HTD2: variants seen among roughly 807,000 people sequenced by gnomAD.
HTD2 encodes hydroxyacyl-thioester dehydratase type 2, mitochondrial.
A neutral mutation model predicts 3.1 loss-of-function variants in HTD2; 1 was observed. The ratio of observed to expected loss-of-function variants is 0.32; its 90% CI spans 0.11 to 1.52. The LOEUF (loss-of-function observed/expected upper bound fraction) is 1.52. HTD2 is among the 40% of genes most tolerant of loss of function. The pLI is 0.39. For synonymous variants in HTD2, 50 were observed against 28.9 expected, an observed-to-expected ratio of 1.73 and a Z score of -2.34; for missense variants, 150 against 79.6, an observed-to-expected ratio of 1.88 and a Z score of -3.36.
At position 58,318,162 on chromosome 3, in the gene HTD2, T is replaced by C; in HGVS notation, c.*42T>C. On this transcript the variant is annotated 3_prime_UTR_variant, in exon 5 of 5. Transcript: ENST00000461393. ...ATGCAACCTCAAACACCAATGCTGT[T>C]GTTAAAGAGCCTATGGGGAATTGCT... The C allele has an allele frequency of 1.6e-6, 1 of 613,378 alleles. No homozygotes were observed. Among genetic ancestry groups the C allele is most frequent in the East Asian group, 2.7e-5 (1 of 36,716 alleles). The allele number at this position is 613,378 out of a possible 1,614,324, so 38.0% of individuals were successfully genotyped here.
intron 2 of HTD2, among the ~76,000 whole-genome samples, chr3:58,313,743 T>C (rs78418724): frequency 0.046 from 6,974 of 152,288 alleles, 559 homozygotes; most frequent in African/African-American, 0.16. Flanking sequence ...GAGGATTGCT[T>C]GAGCCCAAGA....
At chr3:58,314,996 T>C (rs776783551) in intron 2 of HTD2, among the ~76,000 whole-genome samples, 2 of 152,110 alleles carry the variant, frequency 1.3e-5, no homozygotes, top group South Asian at 2.1e-4. Context: ...GCAGTATCTT[T>C]AACAAACTAA....
At chr3:58,316,481 G>C (rs2097488362) in intron 2 of HTD2, 34 bp from the exon 3 acceptor site, 1 of 1,573,390 alleles carries the variant, frequency 6.4e-7, no homozygotes, top group Non-Finnish European at 8.7e-7. Context: ...ATAATGGTGA[G>C]AATAGCCTGC....
Position 58,318,695 on chromosome 3 carries a change from GTTAT to G in HTD2, c.*579_*582del, listed in dbSNP as rs1286639001. 1 of 149,850 alleles carries G rather than the reference GTTAT, an allele frequency of 6.7e-6. No homozygotes were observed. Among genetic ancestry groups the G allele is most frequent in the Non-Finnish European group, 1.5e-5 (1 of 67,714 alleles). 9.3% of individuals were successfully genotyped at this position (149,850 alleles called of 1,614,324 possible). A position where few individuals can be genotyped will look rare whatever the true frequency, so the allele number is the denominator to read the frequency against. ...GTCTCAAGAAAGAAGTATTGGGAAG[GTTAT>G]TTAAAGACTCTACTTTTAAATCAGG... On this transcript the variant is annotated 3_prime_UTR_variant, in exon 5 of 5. Transcript: ENST00000461393.
intron 2 of HTD2, among the ~76,000 whole-genome samples, chr3:58,312,334 A>ACCGCCC (rs1488023508): frequency 5.3e-4 from 37 of 69,692 alleles, no homozygotes; most frequent in African/African-American, 1.9e-3. Context: ...CAACCTCCGC[A>ACCGCCC]CCCCCCCCCG....
At chr3:58,313,746 G>T (rs1168920138) in intron 2 of HTD2, among the ~76,000 whole-genome samples, 1 of 152,212 alleles carries the variant, frequency 6.6e-6, no homozygotes, top group Non-Finnish European at 1.5e-5. Context: ...GATTGCTTGA[G>T]CCCAAGAGCT....
chr3:58,317,505 T>G lies in HTD2; in HGVS notation c.-109T>G, dbSNP rs1290343918. The G allele has an allele frequency of 1.3e-6, 2 of 1,561,772 alleles. No individual in the cohort carries two copies. The highest frequency in any genetic ancestry group is 1.8e-6 in the Non-Finnish European group (2 of 1,136,372). On this transcript the variant is annotated 5_prime_UTR_variant, in exon 5 of 5. Transcript: ENST00000461393. Reference sequence around the variant, plus strand: ...AACTAGTATTGGATTGAATGAATAGTCTTCCATTTTGGAAACGTTCATCCA... The same window carrying G: ...AACTAGTATTGGATTGAATGAATAGGCTTCCATTTTGGAAACGTTCATCCA...
At chr3:58,308,791 C>T (rs2097478607) in intron 1 of HTD2, among the ~76,000 whole-genome samples, 1 of 152,014 alleles carries the variant, frequency 6.6e-6, no homozygotes, top group South Asian at 2.1e-4. Context: ...AACAAATAGA[C>T]AGTGTTAAGA....
intron 1 of HTD2, chr3:58,310,068 CACGTGCCTAT>C (rs555324065): frequency 7.6e-4 from 333 of 440,294 alleles, no homozygotes; most frequent in African/African-American, 6.1e-3. Flanking sequence ...GATGTGGTGG[CACGTGCCTAT>C]ACTCCCAGCT....
rs984894858 is a variant in HTD2 at position 58,318,426 on chromosome 3, G to A, written c.*306G>A. 19 of 192,584 alleles carry A rather than the reference G, an allele frequency of 9.9e-5. No individual in the cohort carries two copies. Among genetic ancestry groups the A allele is most frequent in the Middle Eastern group, 2.0e-3 (1 of 492 alleles). The allele number at this position is 192,584 out of a possible 1,614,324, so 11.9% of individuals were successfully genotyped here. A position where few individuals can be genotyped will look rare whatever the true frequency, so the allele number is the denominator to read the frequency against. On this transcript the variant is annotated 3_prime_UTR_variant, in exon 5 of 5. Coordinates refer to ENST00000461393, the MANE Select transcript of HTD2 (RefSeq NM_001348712.2). Reference sequence around the variant, plus strand: ...TAATCCTGGCACTTTGGGAGGCTGCGGCAGGCGGATCACTTGAGGTCAGGA... The same window carrying A: ...TAATCCTGGCACTTTGGGAGGCTGCAGCAGGCGGATCACTTGAGGTCAGGA...
In HTD2 at chr3:58,319,805, T is replaced by G. The variant is rs2097492599; in HGVS notation, c.*1685T>G. ...CACTTTTGTTTCCCATTTTTTTTTG[T>G]TTCCCGTTTTTTAATAAAATTGAGA... On this transcript the variant is annotated 3_prime_UTR_variant, in exon 5 of 5. Coordinates refer to ENST00000461393, the MANE Select transcript of HTD2 (RefSeq NM_001348712.2). 6.6e-6 allele frequency: 1 copy of G among 152,086 alleles called. No homozygotes were observed. Among genetic ancestry groups the G allele is most frequent in the Non-Finnish European group, 1.5e-5 (1 of 68,024 alleles). 9.4% of individuals were successfully genotyped at this position (152,086 alleles called of 1,614,324 possible).
rs1217507237 is a variant in HTD2 at position 58,317,788 on chromosome 3, T to C, written c.175T>C (p.Leu59=). ...GACTGATGTGGCTACCTTCTCAGAATTAACAGGGGATGTCAATCCTTTGCA... is the reference window on the plus strand; with the variant it reads ...GACTGATGTGGCTACCTTCTCAGAACTAACAGGGGATGTCAATCCTTTGCA... The part of the protein sequence containing the change: ...TQTDVATFSE[L]TGDVNPLHLN... The change falls in exon 5 of 5, where the codon TTA becomes CTA. Residue 59 remains leucine, a synonymous_variant. Transcript: ENST00000461393. 1.4e-6 allele frequency: 1 copy of C among 703,092 alleles called. No homozygotes were observed. Among genetic ancestry groups the C allele is most frequent in the Admixed American group, 2.0e-5 (1 of 50,010 alleles). 43.6% of individuals were successfully genotyped at this position (703,092 alleles called of 1,614,324 possible).
chr3:58,315,008 C>T (rs1469954678), intron 2 of HTD2, among the ~76,000 whole-genome samples: 1 of 152,100 alleles, frequency 6.6e-6, no homozygotes, highest in Non-Finnish European at 1.5e-5. Context: ...ACAAACTAAA[C>T]GTGCATCTGC....
chr3:58,317,084 A>G (rs2097489081), intron 4 of HTD2, 91 bp downstream of exon 4: 2 of 919,666 alleles, frequency 2.2e-6, no homozygotes, highest in Admixed American at 4.2e-5. Flanking sequence ...TGCTTGCATA[A>G]ATGTAATATG....
chr3:58,312,219 C>T (rs1288621600), intron 2 of HTD2, among the ~76,000 whole-genome samples: 1 of 152,092 alleles, frequency 6.6e-6, no homozygotes, highest in Admixed American at 6.5e-5. Flanking sequence ...ACATTCCTCC[C>T]AGTAGTGTGT....
intron 1 of HTD2, among the ~76,000 whole-genome samples, chr3:58,308,573 G>A (rs754947455): frequency 3.3e-5 from 5 of 152,104 alleles, no homozygotes; most frequent in African/African-American, 9.7e-5. Context: ...AGGCCCCAAA[G>A]TATTAATGTT....
chr3:58,307,423 C>T (rs972928939), intron 1 of HTD2, among the ~76,000 whole-genome samples: 1 of 152,160 alleles, frequency 6.6e-6, no homozygotes, highest in South Asian at 2.1e-4. Context: ...TGCGCAGCCA[C>T]TAAAAAAGGC....
At position 58,317,882 on chromosome 3, in the gene HTD2, G is replaced by T. The variant is rs1489862141; in HGVS notation, c.269G>T (p.Gly90Val). 1 of 702,898 alleles carries T rather than the reference G, an allele frequency of 1.4e-6. No individual in the cohort carries two copies. The highest frequency in any genetic ancestry group is 1.7e-5 in the African/African-American group (1 of 57,244). The allele number at this position is 702,898 out of a possible 1,614,324, so 43.5% of individuals were successfully genotyped here. Residue 90 changes from glycine (G) to valine (V), a missense_variant, in exon 5 of 5, where the codon GGA becomes GTA. Physicochemically the swap from Gly to Val is moderately radical, Grantham distance 109. Transcript: ENST00000461393. The part of the protein sequence containing the change: ...NTIVHGVLIN[G>V]LISALLGTKM... The stretch of plus-strand genomic sequence containing the variant: ...ATTGTACATGGAGTTTTGATCAACG[G>T]ACTTATCTCAGCTCTCCTAGGAACT...
chr3:58,307,134 A>G (rs1209393935), intron 1 of HTD2, among the ~76,000 whole-genome samples: 1 of 152,202 alleles, frequency 6.6e-6, no homozygotes, highest in Non-Finnish European at 1.5e-5. Flanking sequence ...GAGCTAGGCT[A>G]GGCCTGTGTG....
Sources: allele counts gnomAD v4.1 joint callset (sites outside exome capture counted in the v4.1 genomes callset), GRCh38; gene constraint gnomAD v4.1.1; transcripts MANE v1.5; gene names NCBI Gene and HGNC (gene_info 2026-07-23, HGNC 2026-07-21).